The following GLRA1 variants were observed in gnomAD, a reference collection of about 807,000 sequenced individuals.
GLRA1 encodes the protein glycine receptor subunit alpha-1.
GLRA1 carries 37 observed loss-of-function variants against 48.3 expected under a neutral mutation model. The ratio of observed to expected loss-of-function variants is 0.77; its 90% CI spans 0.59 to 1.01. GLRA1 has a LOEUF of 1.01. Among genes scored for constraint, GLRA1 ranks in the 50% least tolerant of loss-of-function variants. The probability of loss-of-function intolerance (pLI) is 0.00; values close to 1 mark genes in which losing one functional copy is unlikely to be tolerated. For missense variants in GLRA1, 427 were observed against 571.0 expected (o/e 0.75, Z 2.57); for synonymous variants, 196 against 210.7 (o/e 0.93, Z 0.60).
At chr5:151,921,468 C>T (rs543914680) in intron 1 of GLRA1, among the ~76,000 whole-genome samples, 16 of 152,306 alleles carry the variant, frequency 1.1e-4, no homozygotes, top group East Asian at 7.7e-4. Flanking sequence ...ACCAGGGATG[C>T]GGCTAAACAT....
At chr5:151,838,346 G>C (rs1354305655) in intron 7 of GLRA1, among the ~76,000 whole-genome samples, 1 of 152,120 alleles carries the variant, frequency 6.6e-6, no homozygotes, top group African/African-American at 2.4e-5. Context: ...GTGCATGCCT[G>C]TAATCCCAGC....
chr5:151,893,295 T>C (rs149556058), intron 1 of GLRA1, among the ~76,000 whole-genome samples: 1 of 115,050 alleles, frequency 8.7e-6, no homozygotes, highest in Non-Finnish European at 1.8e-5. Flanking sequence ...TTTCTTTCTT[T>C]CTTTCTTTCT....
At chr5:151,853,785 C>G (rs1181646763) in intron 6 of GLRA1, among the ~76,000 whole-genome samples, 1 of 151,956 alleles carries the variant, frequency 6.6e-6, no homozygotes, top group Non-Finnish European at 1.5e-5. Context: ...ATTGCCAAAT[C>G]TAAGATTAGG....
rs116054652 is a variant in GLRA1, at chr5:151,850,028, A to G, written c.912+1362T>C. The G allele has an allele frequency of 9.7e-4, 1,551 of 1,603,654 alleles. 20 individuals are homozygous for G. The African/African-American group carries it at 0.018, about 19-fold the overall frequency. On this transcript the variant is annotated intron_variant, in intron 7 of 8. Coordinates refer to ENST00000274576, the MANE Select transcript of GLRA1 (RefSeq NM_000171.4). ...GTGACCAATTTGAGGCACACTTGTA[A>G]GTGGATAATGGACATGGTGAGCAAC...
chr5:151,907,313 G>A (rs1355032403), intron 1 of GLRA1, among the ~76,000 whole-genome samples: 2 of 152,094 alleles, frequency 1.3e-5, no homozygotes, highest in Non-Finnish European at 2.9e-5. Context: ...TTTATTTGGC[G>A]ACACTGTCTA....
chr5:151,853,205 G>C (rs79381033), intron 6 of GLRA1, among the ~76,000 whole-genome samples: 1 of 152,104 alleles, frequency 6.6e-6, no homozygotes, highest in Non-Finnish European at 1.5e-5. Context: ...GTGCTGTCCT[G>C]TGTGCTTGAA....
chr5:151,850,397 G>A, intron 7 of GLRA1: 2 of 1,253,716 alleles, frequency 1.6e-6, no homozygotes, highest in Non-Finnish European at 2.3e-6. Flanking sequence ...TTGATCCCAA[G>A]CCCATTCCTG....
intron 1 of GLRA1, among the ~76,000 whole-genome samples, chr5:151,922,147 C>G (rs921557148): frequency 3.3e-5 from 5 of 152,168 alleles, no homozygotes; most frequent in African/African-American, 4.8e-5. Context: ...CTAAGGAGTA[C>G]CTGGGTGACT....
chr5:151,858,672 C>A (rs1237133349), intron 4 of GLRA1, among the ~76,000 whole-genome samples: 6 of 152,100 alleles, frequency 3.9e-5, no homozygotes, highest in Admixed American at 1.3e-4. Flanking sequence ...CCTCCCCTAC[C>A]CAGCCTGCTT....
intron 3 of GLRA1, among the ~76,000 whole-genome samples, chr5:151,873,868 T>C (rs1359261309): frequency 6.6e-6 from 1 of 152,216 alleles, no homozygotes; most frequent in Non-Finnish European, 1.5e-5. Context: ...GCAGATTTGT[T>C]ACATGGGTAT....
At chr5:151,833,734 A>AT (rs1763488429) in intron 7 of GLRA1, among the ~76,000 whole-genome samples, 1 of 139,734 alleles carries the variant, frequency 7.2e-6, no homozygotes, top group Non-Finnish European at 1.5e-5. Flanking sequence ...GCGTGCTGGG[A>AT]TTATAGGCAT....
At chr5:151,833,817 CAG>C (rs1763492920) in intron 7 of GLRA1, among the ~76,000 whole-genome samples, 1 of 79,176 alleles carries the variant, frequency 1.3e-5, no homozygotes, top group Non-Finnish European at 2.7e-5. Flanking sequence ...AAAAAAAAAG[CAG>C]GGGTTGCAAT....
chr5:151,889,349 A>G (rs576535263), intron 2 of GLRA1, among the ~76,000 whole-genome samples: 2 of 152,372 alleles, frequency 1.3e-5, no homozygotes, highest in African/African-American at 2.4e-5. Flanking sequence ...ACACAAAGTC[A>G]TAAAGAAGAC....
At chr5:151,851,143 G>T (rs1407768902) in intron 7 of GLRA1, among the ~76,000 whole-genome samples, 1 of 152,194 alleles carries the variant, frequency 6.6e-6, no homozygotes, top group East Asian at 1.9e-4. Context: ...TGTGTGTCTG[G>T]TGTTGGTAGA....
At chr5:151,899,338 C>A (rs1754308318) in intron 1 of GLRA1, among the ~76,000 whole-genome samples, 1 of 152,166 alleles carries the variant, frequency 6.6e-6, no homozygotes, top group Non-Finnish European at 1.5e-5. Context: ...TTAATTGTAG[C>A]CTCTGTGTGC....
At chr5:151,836,875 G>A (rs1431349856) in intron 7 of GLRA1, among the ~76,000 whole-genome samples, 1 of 152,104 alleles carries the variant, frequency 6.6e-6, no homozygotes, top group Non-Finnish European at 1.5e-5. Flanking sequence ...TCAGGACATA[G>A]GCCCAAACAA....
chr5:151,902,137 A>G lies in GLRA1; in HGVS notation c.57-9699T>C, dbSNP rs151019478. 7.5e-3 allele frequency among the ~76,000 whole-genome samples: 1,138 copies of G among 152,318 alleles called. 11 individuals are homozygous for G. The highest frequency in any genetic ancestry group is 0.011 in the Non-Finnish European group (731 of 68,034). On this transcript the variant is annotated intron_variant, in intron 1 of 8. Transcript: ENST00000274576. ...ATGTAATTGATAATCGTTTGCACACATGTAACACTTTCAGTTTTTATGGCA... is the reference window on the plus strand; with the variant it reads ...ATGTAATTGATAATCGTTTGCACACGTGTAACACTTTCAGTTTTTATGGCA...
chr5:151,858,019 G>A (rs1268454334), intron 4 of GLRA1, among the ~76,000 whole-genome samples: 1 of 152,184 alleles, frequency 6.6e-6, no homozygotes, highest in Non-Finnish European at 1.5e-5. Flanking sequence ...CCATGGTGGG[G>A]TTGACTCAGG....
At chr5:151,869,562 A>C (rs1419561478) in intron 3 of GLRA1, among the ~76,000 whole-genome samples, 3 of 150,194 alleles carry the variant, frequency 2.0e-5, no homozygotes, top group South Asian at 4.2e-4. Context: ...AAAAATACAA[A>C]AATTAGCCTG....
Sources: allele counts gnomAD v4.1 joint callset (sites outside exome capture counted in the v4.1 genomes callset), GRCh38; gene constraint gnomAD v4.1.1; transcripts MANE v1.5; gene names NCBI Gene and HGNC (gene_info 2026-07-23, HGNC 2026-07-21).